DAG1: variants seen among roughly 807,000 people sequenced by gnomAD.
DAG1 encodes dystroglycan 1, also known as dystroglycan 1 (dystrophin-associated glycoprotein 1).
Under a neutral mutation model 46.1 loss-of-function variants are expected in DAG1, and 8 were observed. That is an observed-to-expected ratio of 0.17 (90% confidence interval 0.10 to 0.31). The LOEUF is 0.31. DAG1 is among the 10% of genes least tolerant of loss of function. The pLI, the probability that DAG1 is intolerant of heterozygous loss-of-function variation, is 1.00. For missense variants in DAG1, 1,003 were observed against 1,189.9 expected (o/e 0.84, Z 2.31); for synonymous variants, 495 against 481.8 (o/e 1.03, Z -0.36).
At chr3:49,510,267 A>G in intron 1 of DAG1, 152 bp from the exon 2 acceptor site, 1 of 573,350 alleles carries the variant, frequency 1.7e-6, no homozygotes. Context: ...AAGGAGTTGC[A>G]CGAAACTGTT....
chr3:49,491,487 C>CT (rs981311920), intron 1 of DAG1, among the ~76,000 whole-genome samples: 13 of 146,220 alleles, frequency 8.9e-5, no homozygotes, highest in South Asian at 2.2e-4. Flanking sequence ...TTTTTTTTTT[C>CT]TTTTTTTTGA....
rs747042575 is a variant in DAG1 at position 49,531,234 on chromosome 3, C to T, written c.723C>T (p.Phe241=). 9.9e-6 allele frequency: 16 copies of T among 1,614,166 alleles called. No homozygotes were observed. Among genetic ancestry groups the T allele is most frequent in the Non-Finnish European group, 1.4e-5 (16 of 1,180,030 alleles). Residue 241 remains phenylalanine, a synonymous_variant, in exon 3 of 3, where the codon TTC becomes TTT. Coordinates refer to ENST00000308775, the MANE Select transcript of DAG1 (RefSeq NM_004393.6). The surrounding 1 kb of genome is among the most constrained non-coding windows in gnomAD (Gnocchi z 7.0). ...VNNRLFDMSA[F]MAGPGNAKKV... ...ACAGACTATTTGACATGTCGGCCTTCATGGCTGGCCCGGGAAATGCAAAAA... is the reference window on the plus strand; with the variant it reads ...ACAGACTATTTGACATGTCGGCCTTTATGGCTGGCCCGGGAAATGCAAAAA...
rs1236534887 is a variant in DAG1 at position 49,534,528 on chromosome 3, T to C, written c.*1329T>C. 1 of 152,646 alleles carries C rather than the reference T, an allele frequency of 6.6e-6. No homozygotes were observed. The highest frequency in any genetic ancestry group is 2.4e-5 in the African/African-American group (1 of 41,470). 9.5% of individuals were successfully genotyped at this position (152,646 alleles called of 1,614,324 possible). ...GTTTTATTAAAAAAAAGATTTAAAA[T>C]GGTGATGCTTACAGCAGTTTGTACG... On this transcript the variant is annotated 3_prime_UTR_variant, in exon 3 of 3. Transcript: ENST00000308775.
chr3:49,505,119 C>T (rs1306100014), intron 1 of DAG1, among the ~76,000 whole-genome samples: 4 of 151,864 alleles, frequency 2.6e-5, no homozygotes, highest in Non-Finnish European at 5.9e-5. Flanking sequence ...ATAGCTGAGG[C>T]CACAGCTGCA....
intron 1 of DAG1, among the ~76,000 whole-genome samples, chr3:49,492,364 G>A (rs968539082): frequency 2.6e-5 from 4 of 152,114 alleles, no homozygotes. Context: ...ATAATGATTT[G>A]GACTGGATGT....
chr3:49,515,638 A>G (rs2050878610), intron 2 of DAG1, among the ~76,000 whole-genome samples: 1 of 151,708 alleles, frequency 6.6e-6, no homozygotes, highest in Non-Finnish European at 1.5e-5. Context: ...CTACTGCCTC[A>G]GCCTCCCAAA....
intron 1 of DAG1, among the ~76,000 whole-genome samples, chr3:49,504,761 ATTTTTTTTT>A (rs57684297): frequency 2.2e-5 from 2 of 89,928 alleles, no homozygotes; most frequent in African/African-American, 8.7e-5. Context: ...CGCCCAGCTA[ATTTTTTTTT>A]TTTTTTTTTT....
At chr3:49,490,975 T>G (rs2050166402) in intron 1 of DAG1, among the ~76,000 whole-genome samples, 1 of 145,030 alleles carries the variant, frequency 6.9e-6, no homozygotes, top group Non-Finnish European at 1.5e-5. Context: ...AACTTCTGCC[T>G]CCCAGGTTCA....
chr3:49,489,513 G>A (rs1295385718), intron 1 of DAG1, among the ~76,000 whole-genome samples: 4 of 152,146 alleles, frequency 2.6e-5, no homozygotes, highest in Non-Finnish European at 5.9e-5. Flanking sequence ...GATGCAGCGT[G>A]CCCACATTTT....
intron 1 of DAG1, among the ~76,000 whole-genome samples, chr3:49,485,928 T>G (rs1285088201): frequency 6.6e-6 from 1 of 152,076 alleles, no homozygotes. Context: ...TCCAAAGTGG[T>G]GGGATTACAG....
At chr3:49,494,842 C>T (rs2107412968) in intron 1 of DAG1, among the ~76,000 whole-genome samples, 1 of 152,088 alleles carries the variant, frequency 6.6e-6, no homozygotes, top group South Asian at 2.1e-4. Flanking sequence ...ACCATGTTAG[C>T]CAGGATGGTC....
At chr3:49,505,369 G>A (rs2050576653) in intron 1 of DAG1, among the ~76,000 whole-genome samples, 1 of 152,070 alleles carries the variant, frequency 6.6e-6, no homozygotes, top group Non-Finnish European at 1.5e-5. Flanking sequence ...GGGATCACAG[G>A]TGTATGCATA....
intron 1 of DAG1, among the ~76,000 whole-genome samples, chr3:49,480,585 G>A (rs1559548135): frequency 1.4e-5 from 2 of 145,508 alleles, no homozygotes; most frequent in African/African-American, 2.4e-5. Flanking sequence ...GAGCCACTGC[G>A]TCCGGCGCAT....
At chr3:49,475,793 T>C (rs2049667454) in intron 1 of DAG1, among the ~76,000 whole-genome samples, 1 of 151,224 alleles carries the variant, frequency 6.6e-6, no homozygotes, top group Admixed American at 6.7e-5. Context: ...AAGCTCCGCC[T>C]CCTGGGTTCA....
chr3:49,512,680 T>C (rs1475852719), intron 2 of DAG1, among the ~76,000 whole-genome samples: 1 of 151,766 alleles, frequency 6.6e-6, no homozygotes, highest in Non-Finnish European at 1.5e-5. Flanking sequence ...AAAAAATTTT[T>C]TTTTAGTTTG....
chr3:49,521,372 A>AGCCAGGAT (rs1186904769), intron 2 of DAG1, among the ~76,000 whole-genome samples: 1 of 151,988 alleles, frequency 6.6e-6, no homozygotes, highest in African/African-American at 2.4e-5. Context: ...TCACCGTGTT[A>AGCCAGGAT]GCCAGGATGG....
intron 2 of DAG1, 41 bp downstream of exon 2, chr3:49,510,860 T>A (rs541070718): frequency 1.9e-6 from 3 of 1,609,552 alleles, no homozygotes; most frequent in East Asian, 4.5e-5. Context: ...AGAGTTCTCA[T>A]TTTCCATTTT....
At chr3:49,530,775 T>C (rs1414412117) in intron 2 of DAG1, 22 bp from the exon 3 acceptor site, 1 of 1,614,206 alleles carries the variant, frequency 6.2e-7, no homozygotes, top group East Asian at 2.2e-5. Flanking sequence ...GTATTTTTAA[T>C]TTATGCTTGT....
At chr3:49,510,955 C>A in intron 2 of DAG1, 136 bp downstream of exon 2, 1 of 1,525,870 alleles carries the variant, frequency 6.6e-7, no homozygotes, top group Non-Finnish European at 8.8e-7. Flanking sequence ...AGAGGGACAG[C>A]CACTGATGTT....
Sources: allele counts gnomAD v4.1 joint callset (sites outside exome capture counted in the v4.1 genomes callset), GRCh38; gene constraint gnomAD v4.1.1; non-coding constraint Gnocchi (gnomAD v3.1); transcripts MANE v1.5; gene names NCBI Gene and HGNC (gene_info 2026-07-23, HGNC 2026-07-21).